SKOR2: variants seen among roughly 807,000 people sequenced by gnomAD.
SKOR2 encodes LBX1 corepressor 1-like protein.
Under a neutral mutation model 69.1 loss-of-function variants are expected in SKOR2, and 47 were observed. The ratio of observed to expected loss-of-function variants is 0.68; its 90% CI spans 0.54 to 0.87. The LOEUF is 0.87. Among genes scored for constraint, SKOR2 ranks in the 40% least tolerant of loss-of-function variants. The pLI is 0.00. For missense variants in SKOR2, 1,404 were observed against 1,472.2 expected, an observed-to-expected ratio of 0.95 and a Z score of 0.76; for synonymous variants, 717 against 672.6, an observed-to-expected ratio of 1.07 and a Z score of -1.02.
chr18:47,245,042 G>T, intron 3 of SKOR2, 60 bp from the exon 4 acceptor site: 2 of 1,438,836 alleles, frequency 1.4e-6, no homozygotes, highest in South Asian at 1.3e-5. Context: ...GGCACACAAA[G>T]ATCCAATTTT....
intron 7 of SKOR2, among the ~76,000 whole-genome samples, chr18:47,215,068 C>T (rs746476187): frequency 6.6e-6 from 1 of 151,720 alleles, no homozygotes; most frequent in Non-Finnish European, 1.5e-5. Context: ...CAGTCAACAT[C>T]TCAAAAAGAG....
At chr18:47,237,458 G>A (rs568761709) in intron 4 of SKOR2, among the ~76,000 whole-genome samples, 12 of 152,300 alleles carry the variant, frequency 7.9e-5, no homozygotes, top group African/African-American at 2.2e-4. Flanking sequence ...GACCTGTTCC[G>A]TTGGTGGACA....
rs1210875340 is a variant in SKOR2, at chr18:47,249,009, G to A, written c.175C>T (p.Gln59Ter). ...IPIVSLVIDG[Q>*]ERLCLAQISN... ...ATCTGCGCCAGGCACAGGCGCTCTT[G>A]CCCGTCGATCACCAACGACACGATG... The change falls in exon 2 of 9, where the codon CAA becomes TAA. Residue 59 changes from glutamine to a stop codon, truncating the protein, a stop_gained. Coordinates refer to ENST00000425639, the MANE Select transcript of SKOR2 (RefSeq NM_001278063.4). LOFTEE classifies it high-confidence loss of function. 1 of 1,548,542 alleles carries A rather than the reference G, an allele frequency of 6.5e-7. No homozygotes were observed. Among genetic ancestry groups the A allele is most frequent in the Admixed American group, 1.9e-5 (1 of 52,192 alleles).
intron 4 of SKOR2, 105 bp from the exon 5 acceptor site, chr18:47,231,105 AC>A: frequency 6.5e-7 from 1 of 1,535,792 alleles, no homozygotes; most frequent in Non-Finnish European, 8.7e-7. Flanking sequence ...ATTTAATATA[AC>A]CTGAAATTGG....
chr18:47,248,457 C>A lies in SKOR2; in HGVS notation c.727G>T (p.Ala243Ser). 6.6e-7 allele frequency: 1 copy of A among 1,521,444 alleles called. No homozygotes were observed. The highest frequency in any genetic ancestry group is 8.8e-7 in the Non-Finnish European group (1 of 1,139,060). The allele number at this position is 1,521,444 out of a possible 1,614,324, so 94.2% of individuals were successfully genotyped here. A position where few individuals can be genotyped will look rare whatever the true frequency, so the allele number is the denominator to read the frequency against. ...AMFNGGSRKRALPQPGAHPAC... is the reference protein window; with the variant it reads ...AMFNGGSRKRSLPQPGAHPAC... ...GGGTGCGCGCCCGGCTGGGGCAGTG[C>A]GCGCTTGCGGCTGCCGCCGTTGAAC... is the stretch of plus-strand genomic sequence containing the variant. The change falls in exon 2 of 9, where the codon GCA becomes TCA. Residue 243 changes from alanine to serine, a missense_variant. Around this residue, in one of 3 missense-constraint regions of SKOR2, gnomAD observed 1,266 missense variants for 1,309.9 expected, o/e 0.97. Coordinates refer to ENST00000425639, the MANE Select transcript of SKOR2 (RefSeq NM_001278063.4). The surrounding 1 kb of genome is among the most constrained non-coding windows in gnomAD (Gnocchi z 6.4).
In SKOR2 at chr18:47,248,130, C is replaced by T; in HGVS notation, c.1054G>A (p.Ala352Thr). 1.5e-6 allele frequency: 2 copies of T among 1,295,194 alleles called. No individual in the cohort carries two copies. The highest frequency in any genetic ancestry group is 1.9e-6 in the Non-Finnish European group (2 of 1,030,514). 80.2% of individuals were successfully genotyped at this position (1,295,194 alleles called of 1,614,324 possible). ...ACGCCGGCCACACAGCCACCCCCAG[C>T]GCCGCCCCCACCAGTCCCCGCGCCG... ...SGGAGTGGGG[A>T]GGGCVAGVGV... Residue 352 changes from alanine (A) to threonine (T), a missense_variant, in exon 2 of 9, where the codon GCT becomes ACT. Coordinates refer to ENST00000425639, the MANE Select transcript of SKOR2 (RefSeq NM_001278063.4). This position sits in a 1 kb window ranked among gnomAD's most constrained non-coding sequence, Gnocchi z 6.4.
At position 47,248,047 on chromosome 18, in the gene SKOR2, G is replaced by C. The variant is rs1467611229; in HGVS notation, c.1137C>G (p.Ser379Arg). Residue 379 changes from serine to arginine, a missense_variant, in exon 2 of 9, where the codon AGC (serine) becomes AGG (arginine). This residue lies in a region of SKOR2 where 1,266 missense variants were observed against 1,309.9 expected (regional missense o/e 0.97). Coordinates refer to ENST00000425639, the MANE Select transcript of SKOR2 (RefSeq NM_001278063.4). This position sits in a 1 kb window ranked among gnomAD's most constrained non-coding sequence, Gnocchi z 6.4. ...GAGAGAKGPR[S>R]YPVIPVPSKG... ...TGCTGGGCACCGGGATGACTGGGTA[G>C]CTGCGCGGGCCTTTGGCCCCTGCCC... The C allele has an allele frequency of 2.6e-5, 38 of 1,438,582 alleles. No individual in the cohort carries two copies. Among genetic ancestry groups the C allele is most frequent in the Non-Finnish European group, 3.4e-5 (37 of 1,097,164 alleles). 89.1% of individuals were successfully genotyped at this position (1,438,582 alleles called of 1,614,324 possible). A position where few individuals can be genotyped will look rare whatever the true frequency, so the allele number is the denominator to read the frequency against.
intron 7 of SKOR2, among the ~76,000 whole-genome samples, chr18:47,218,448 G>A (rs933393171): frequency 6.6e-6 from 1 of 151,804 alleles, no homozygotes; most frequent in Non-Finnish European, 1.5e-5. Flanking sequence ...AAATTAATCG[G>A]GTGTGGTGGT....
intron 4 of SKOR2, among the ~76,000 whole-genome samples, chr18:47,241,433 C>T (rs1396987908): frequency 2.0e-5 from 3 of 152,066 alleles, no homozygotes; most frequent in African/African-American, 7.2e-5. Flanking sequence ...TACATTAATA[C>T]CAAAACATAG....
At chr18:47,234,771 G>T (rs941522235) in intron 4 of SKOR2, among the ~76,000 whole-genome samples, 2 of 147,912 alleles carry the variant, frequency 1.4e-5, no homozygotes, top group Admixed American at 1.4e-4. Context: ...TGAGGTAGGA[G>T]AATCGCTTGA....
At chr18:47,241,643 A>C (rs1417675586) in intron 4 of SKOR2, among the ~76,000 whole-genome samples, 17 of 152,162 alleles carry the variant, frequency 1.1e-4, no homozygotes, top group South Asian at 6.2e-4. Flanking sequence ...ACAAACAAAA[A>C]AAAAACCCAT....
At position 47,248,925 on chromosome 18, in the gene SKOR2, G is replaced by T; in HGVS notation, c.259C>A (p.Leu87Met). Reference protein sequence around the residue: ...YNEIHNRRVALGITCVQCTPV... With the variant: ...YNEIHNRRVAMGITCVQCTPV... ...GTGCACTGCACACACGTGATGCCCAGTGCCACGCGACGGTTGTGGATCTCG... is the reference window on the plus strand; with the variant it reads ...GTGCACTGCACACACGTGATGCCCATTGCCACGCGACGGTTGTGGATCTCG... The change falls in exon 2 of 9, where the codon CTG (leucine) becomes ATG (methionine). Residue 87 changes from leucine (L) to methionine (M), a missense_variant. Transcript: ENST00000425639. This position sits in a 1 kb window ranked among gnomAD's most constrained non-coding sequence, Gnocchi z 6.4. 6.3e-7 allele frequency: 1 copy of T among 1,575,056 alleles called. No individual in the cohort carries two copies. The highest frequency in any genetic ancestry group is 1.1e-5 in the South Asian group (1 of 87,278).
At position 47,247,248 on chromosome 18, in the gene SKOR2, C is replaced by T; in HGVS notation, c.1936G>A (p.Ala646Thr). The change falls in exon 2 of 9, where the codon GCG (alanine) becomes ACG (threonine). Residue 646 changes from alanine to threonine, a missense_variant. Coordinates refer to ENST00000425639, the MANE Select transcript of SKOR2 (RefSeq NM_001278063.4). This position sits in a 1 kb window ranked among gnomAD's most constrained non-coding sequence, Gnocchi z 6.6. ...GGATGCGTCTGGGCCGAGTGGGGCGCGCCCGCCGACGCCCCGTGCAGCTTG... is the reference window on the plus strand; with the variant it reads ...GGATGCGTCTGGGCCGAGTGGGGCGTGCCCGCCGACGCCCCGTGCAGCTTG... ...LAKLHGASAG[A>T]PHSAQTHPHH... 1 of 1,470,154 alleles carries T rather than the reference C, an allele frequency of 6.8e-7. No individual in the cohort carries two copies. The highest frequency in any genetic ancestry group is 9.0e-7 in the Non-Finnish European group (1 of 1,115,808). 91.1% of individuals were successfully genotyped at this position (1,470,154 alleles called of 1,614,324 possible).
chr18:47,250,272 G>A (rs113381121), intron 1 of SKOR2, among the ~76,000 whole-genome samples: 6 of 152,296 alleles, frequency 3.9e-5, no homozygotes, highest in Non-Finnish European at 7.3e-5. Context: ...GTTGAAAGTC[G>A]AAATCCCAGG....
At chr18:47,237,061 G>GT (rs2144503375) in intron 4 of SKOR2, among the ~76,000 whole-genome samples, 1 of 152,260 alleles carries the variant, frequency 6.6e-6, no homozygotes, top group South Asian at 2.1e-4. Context: ...ACAAATACTT[G>GT]TTGTACTTTT....
chr18:47,250,876 T>G lies in SKOR2; in HGVS notation c.-48+498A>C, dbSNP rs2144522720. 1.3e-5 allele frequency among the ~76,000 whole-genome samples: 2 copies of G among 152,260 alleles called. 1 individual carries two copies. Among genetic ancestry groups the G allele is most frequent in the South Asian group, 4.1e-4 (2 of 4,824 alleles). On this transcript the variant is annotated intron_variant, in intron 1 of 8. Coordinates refer to ENST00000425639, the MANE Select transcript of SKOR2 (RefSeq NM_001278063.4). The stretch of plus-strand genomic sequence containing the variant: ...CAACACTAGCTTCGTCAGGTGGCCC[T>G]TCGATGCTCATTTCCCTACCAAACA...
intron 6 of SKOR2, among the ~76,000 whole-genome samples, chr18:47,229,734 C>T (rs1012364573): frequency 2.0e-5 from 3 of 152,064 alleles, no homozygotes; most frequent in Non-Finnish European, 4.4e-5. Flanking sequence ...AATCAAAGTC[C>T]GGAAAGCTTG....
At chr18:47,230,873 C>T in intron 5 of SKOR2, 62 bp downstream of exon 5, 1 of 1,474,362 alleles carries the variant, frequency 6.8e-7, no homozygotes, top group South Asian at 1.2e-5. Context: ...AAATATCCTC[C>T]TATTATCTCC....
intron 6 of SKOR2, among the ~76,000 whole-genome samples, chr18:47,226,314 G>C (rs1211821926): frequency 1.3e-5 from 2 of 152,180 alleles, no homozygotes; most frequent in African/African-American, 2.4e-5. Context: ...AAAATGATCA[G>C]ACCAGTGTGA....
Sources: allele counts gnomAD v4.1 joint callset (sites outside exome capture counted in the v4.1 genomes callset), GRCh38; gene constraint gnomAD v4.1.1; regional missense constraint gnomAD v4.1.1; non-coding constraint Gnocchi (gnomAD v3.1); transcripts MANE v1.5; gene names NCBI Gene and HGNC (gene_info 2026-07-23, HGNC 2026-07-21).